Variants in SPATA6 observed in about 807,000 individuals in gnomAD.
The protein encoded by SPATA6 is spermatogenesis associated 6, also known as spermatogenesis-associated protein 6.
SPATA6 carries 56 observed loss-of-function variants against 65.3 expected under a neutral mutation model. The ratio of observed to expected loss-of-function variants is 0.86; its 90% confidence interval spans 0.69 to 1.07. The LOEUF is 1.07. SPATA6 is among the 50% of genes least tolerant of loss of function. The pLI is 0.00. For synonymous variants in SPATA6, 199 were observed against 213.2 expected (o/e 0.93, Z 0.58); for missense variants, 590 against 594.8 (o/e 0.99, Z 0.08).
At chr1:48,340,162 G>A (rs1159210969) in intron 11 of SPATA6, among the ~76,000 whole-genome samples, 1 of 144,606 alleles carries the variant, frequency 6.9e-6, no homozygotes, top group Non-Finnish European at 1.5e-5. Context: ...CTATACCCAG[G>A]GAGAAAAAAT....
At chr1:48,424,954 G>C (rs977021937) in intron 3 of SPATA6, among the ~76,000 whole-genome samples, 2 of 152,098 alleles carry the variant, frequency 1.3e-5, no homozygotes, top group African/African-American at 2.4e-5. Flanking sequence ...TCTTCACTTT[G>C]CTGTTTGTAT....
intron 1 of SPATA6, 133 bp from the exon 2 acceptor site, chr1:48,453,264 A>G: frequency 2.0e-6 from 2 of 987,614 alleles, no homozygotes; most frequent in African/African-American, 1.7e-5. Flanking sequence ...AAATAAAGAG[A>G]GAGAGACAGA....
chr1:48,394,316 G>A (rs1194853541), intron 8 of SPATA6, among the ~76,000 whole-genome samples: 1 of 152,026 alleles, frequency 6.6e-6, no homozygotes, highest in Non-Finnish European at 1.5e-5. Context: ...AAAATCAGAT[G>A]CTTAAGTGTT....
In SPATA6 at chr1:48,463,634, G is replaced by A. The variant is rs556290663; in HGVS notation, c.51+8324C>T. 2.6e-5 allele frequency among the ~76,000 whole-genome samples: 4 copies of A among 152,174 alleles called. No homozygotes were observed. In the South Asian group the frequency reaches 8.3e-4, roughly 32 times the overall value. On this transcript the variant is annotated intron_variant, in intron 1 of 12. Coordinates refer to ENST00000371847, the MANE Select transcript of SPATA6 (RefSeq NM_019073.4). ...AATACAAAATTCAGGATACCGATTG[G>A]CCAAAAAGAAGAAGGAAAAAGGGAT...
At chr1:48,439,902 A>G (rs1655306244) in intron 3 of SPATA6, among the ~76,000 whole-genome samples, 1 of 152,214 alleles carries the variant, frequency 6.6e-6, no homozygotes, top group Admixed American at 6.5e-5. Context: ...GAATGTATAA[A>G]TTAAAATACT....
At chr1:48,286,309 C>T in the SPATA6 span, among the ~76,000 whole-genome samples, 1 of 152,004 alleles carries the variant, frequency 6.6e-6, no homozygotes, top group Non-Finnish European at 1.5e-5. Context: ...AATCCATAAA[C>T]ATAGGATGTC....
At chr1:48,434,154 T>C (rs1162459030) in intron 3 of SPATA6, among the ~76,000 whole-genome samples, 1 of 151,084 alleles carries the variant, frequency 6.6e-6, no homozygotes, top group African/African-American at 2.4e-5. Context: ...AAAATGGTAA[T>C]GAGAGGCAGT....
At chr1:48,410,690 G>A (rs1652140659) in intron 5 of SPATA6, among the ~76,000 whole-genome samples, 2 of 152,188 alleles carry the variant, frequency 1.3e-5, no homozygotes, top group Non-Finnish European at 2.9e-5. Flanking sequence ...TTACATGGCA[G>A]CAGGCGAGAG....
chr1:48,412,839 G>A (rs1411717993), intron 4 of SPATA6, among the ~76,000 whole-genome samples: 1 of 151,936 alleles, frequency 6.6e-6, no homozygotes, highest in African/African-American at 2.4e-5. Context: ...GGCTAGTCTT[G>A]AACTCCTGAC....
chr1:48,439,916 C>T (rs1192403009), intron 3 of SPATA6, among the ~76,000 whole-genome samples: 2 of 152,158 alleles, frequency 1.3e-5, no homozygotes, highest in Non-Finnish European at 2.9e-5. Context: ...AAATACTATA[C>T]TACAGTTTGA....
chr1:48,346,564 C>A (rs1167287477), intron 11 of SPATA6, among the ~76,000 whole-genome samples: 1 of 152,006 alleles, frequency 6.6e-6, no homozygotes, highest in Non-Finnish European at 1.5e-5. Context: ...ATTGAGAAAA[C>A]CCCATAATCT....
At chr1:48,326,036 C>A (rs1645749772) in intron 11 of SPATA6, 3 of 167,330 alleles carry the variant, frequency 1.8e-5, no homozygotes, top group Non-Finnish European at 1.3e-5. Flanking sequence ...TTAACTAAAT[C>A]CAGATGTCAA....
At chr1:48,432,272 A>T (rs2148062349) in intron 3 of SPATA6, among the ~76,000 whole-genome samples, 1 of 152,334 alleles carries the variant, frequency 6.6e-6, no homozygotes, top group East Asian at 1.9e-4. Flanking sequence ...AGGCAAAAGC[A>T]ATTTAAAAAA....
At chr1:48,428,094 C>CAT (rs1654008734) in intron 3 of SPATA6, among the ~76,000 whole-genome samples, 2 of 152,146 alleles carry the variant, frequency 1.3e-5, no homozygotes, top group African/African-American at 4.8e-5. Context: ...CATATGGAAC[C>CAT]ATATGCATCT....
intron 11 of SPATA6, among the ~76,000 whole-genome samples, chr1:48,340,114 T>TA (rs1451043516): frequency 1.3e-5 from 2 of 151,602 alleles, no homozygotes; most frequent in African/African-American, 4.8e-5. Context: ...ATAGTGCCTT[T>TA]AAAGTGTAGG....
intron 11 of SPATA6, among the ~76,000 whole-genome samples, chr1:48,348,326 A>T (rs1219665860): frequency 1.3e-5 from 2 of 152,012 alleles, no homozygotes; most frequent in Non-Finnish European, 2.9e-5. Flanking sequence ...GTCCATTCTC[A>T]CTATTAGTTA....
At chr1:48,316,264 G>A (rs374559379) in intron 11 of SPATA6, among the ~76,000 whole-genome samples, 17 of 152,192 alleles carry the variant, frequency 1.1e-4, no homozygotes, top group African/African-American at 3.4e-4. Flanking sequence ...GAGGCATCAC[G>A]CTACCTGACT....
the SPATA6 span, among the ~76,000 whole-genome samples, chr1:48,276,207 T>A: frequency 6.6e-6 from 1 of 152,194 alleles, no homozygotes; most frequent in Non-Finnish European, 1.5e-5. Flanking sequence ...TTTTATTGTG[T>A]CTGTTTGATT....
chr1:48,325,315 G>T, intron 11 of SPATA6: 2 of 1,199,246 alleles, frequency 1.7e-6, no homozygotes, highest in Non-Finnish European at 2.4e-6. Context: ...GCTTCACTGT[G>T]TGTAGGGCAC....
Sources: gnomAD v4.1 joint callset for allele counts (sites outside exome capture counted in the v4.1 genomes callset) on GRCh38, gnomAD v4.1.1 for gene constraint, MANE v1.5 for transcripts, NCBI Gene and HGNC (gene_info 2026-07-23, HGNC 2026-07-21) for gene names.